The following PLCG2 variants were observed in gnomAD, a reference collection of about 807,000 sequenced individuals.
PLCG2 encodes phospholipase C gamma 2, also known as 1-phosphatidylinositol 4,5-bisphosphate phosphodiesterase gamma-2.
In PLCG2, 69 loss-of-function variants were observed where a neutral mutation model predicts 175.6. The ratio of observed to expected loss-of-function variants is 0.39; its 90% confidence interval spans 0.32 to 0.48. PLCG2 has a LOEUF of 0.48. Among genes scored for constraint, PLCG2 ranks in the 20% least tolerant of loss-of-function variants. The pLI is 0.91. For synonymous variants in PLCG2, 827 were observed against 624.0 expected, an observed-to-expected ratio of 1.33 and a Z score of -4.85; for missense variants, 1,798 against 1,650.9, an observed-to-expected ratio of 1.09 and a Z score of -1.54.
At chr16:81,887,314 T>C (rs1597108689) in intron 9 of PLCG2, among the ~76,000 whole-genome samples, 1 of 151,806 alleles carries the variant, frequency 6.6e-6, no homozygotes, top group African/African-American at 2.4e-5. Context: ...AGAGACGGGG[T>C]TTCACCGTGT....
At chr16:81,851,426 C>G (rs141488164) in intron 2 of PLCG2, among the ~76,000 whole-genome samples, 30 of 152,160 alleles carry the variant, frequency 2.0e-4, no homozygotes, top group Non-Finnish European at 3.2e-4. Context: ...AATCTTGTCA[C>G]GTGTAGGTGG....
rs74029242 is a variant in PLCG2, at chr16:81,840,356, A to G, written c.194-14088A>G. On this transcript the variant is annotated intron_variant, in intron 2 of 32. Transcript: ENST00000564138. ...CGGTTTTGTGGAAGATAACTTTTCCATGGGCCAGATTGGCCTGGGGGGATA... is the reference window on the plus strand; with the variant it reads ...CGGTTTTGTGGAAGATAACTTTTCCGTGGGCCAGATTGGCCTGGGGGGATA... 8.6e-3 allele frequency among the ~76,000 whole-genome samples: 1,306 copies of G among 152,306 alleles called. 22 individuals carry two copies. The highest frequency in any genetic ancestry group is 0.028 in the African/African-American group (1,164 of 41,554).
chr16:81,751,051 G>A (rs1909803339), intron 1 of PLCG2, among the ~76,000 whole-genome samples: 1 of 139,830 alleles, frequency 7.2e-6, no homozygotes, highest in Non-Finnish European at 1.5e-5. Flanking sequence ...TGCAATCTTG[G>A]CTCACTACAA....
chr16:81,862,339 T>C (rs1462862229), intron 5 of PLCG2, among the ~76,000 whole-genome samples: 2 of 152,252 alleles, frequency 1.3e-5, no homozygotes, highest in Admixed American at 6.5e-5. Context: ...AGCGGGCATT[T>C]GTTTACAGCC....
intron 20 of PLCG2, among the ~76,000 whole-genome samples, chr16:81,920,764 C>T (rs1352512058): frequency 2.0e-5 from 3 of 151,874 alleles, no homozygotes; most frequent in Non-Finnish European, 4.4e-5. Context: ...AGGGGGAAGG[C>T]ACTGGTTTGT....
chr16:81,816,009 C>T (rs1904528164), intron 2 of PLCG2, among the ~76,000 whole-genome samples: 1 of 151,528 alleles, frequency 6.6e-6, no homozygotes, highest in Admixed American at 6.6e-5. Context: ...TTGCGGTGAG[C>T]CGAGATTGTG....
intron 31 of PLCG2, among the ~76,000 whole-genome samples, chr16:81,950,813 G>T (rs1459235184): frequency 6.6e-6 from 1 of 152,142 alleles, no homozygotes. Flanking sequence ...AGAGGAAAGT[G>T]CTTGCCTTAA....
chr16:81,948,719 A>C (rs146473018), intron 31 of PLCG2, among the ~76,000 whole-genome samples: 1 of 152,308 alleles, frequency 6.6e-6, no homozygotes, highest in African/African-American at 2.4e-5. Context: ...GGCCCTCCTT[A>C]TGCCTCATCA....
intron 2 of PLCG2, among the ~76,000 whole-genome samples, chr16:81,812,172 C>A (rs1296209811): frequency 6.6e-5 from 10 of 151,178 alleles, no homozygotes; most frequent in Non-Finnish European, 1.5e-4. Flanking sequence ...GTCTCAGCCT[C>A]CTGAGTAGCT....
At chr16:81,909,071 A>T (rs1909504456) in intron 17 of PLCG2, among the ~76,000 whole-genome samples, 1 of 152,182 alleles carries the variant, frequency 6.6e-6, no homozygotes. Flanking sequence ...CCACCCACTT[A>T]TCCATGTCTC....
chr16:81,769,119 G>C (rs1910216935), intron 2 of PLCG2, among the ~76,000 whole-genome samples: 1 of 152,150 alleles, frequency 6.6e-6, no homozygotes, highest in African/African-American at 2.4e-5. Context: ...CAGTGCTTAA[G>C]GTAAGTTTGT....
At chr16:81,952,384 T>A (rs1431269537) in intron 31 of PLCG2, among the ~76,000 whole-genome samples, 1 of 152,184 alleles carries the variant, frequency 6.6e-6, no homozygotes, top group Non-Finnish European at 1.5e-5. Flanking sequence ...AGTCATTGGA[T>A]TCTCAATTCC....
intron 1 of PLCG2, among the ~76,000 whole-genome samples, chr16:81,741,615 G>C (rs1174490133): frequency 6.6e-6 from 1 of 152,140 alleles, no homozygotes; most frequent in Admixed American, 6.6e-5. Context: ...TTCAAGACCA[G>C]CCTGGCCAAC....
chr16:81,935,323 C>A (rs968572884), intron 26 of PLCG2, among the ~76,000 whole-genome samples: 1 of 152,078 alleles, frequency 6.6e-6, no homozygotes, highest in South Asian at 2.1e-4. Context: ...GAATAAGCCT[C>A]CCATTTCAAG....
chr16:81,897,395 A>G (rs1908940738), intron 13 of PLCG2, among the ~76,000 whole-genome samples: 1 of 152,242 alleles, frequency 6.6e-6, no homozygotes, highest in African/African-American at 2.4e-5. Context: ...ATGTTAAAAA[A>G]TAGAGGTGAT....
intron 2 of PLCG2, among the ~76,000 whole-genome samples, chr16:81,793,155 G>C (rs1911314617): frequency 6.6e-6 from 1 of 152,212 alleles, no homozygotes; most frequent in African/African-American, 2.4e-5. Context: ...TGGCCTCCAG[G>C]TTCCCTATTG....
intron 3 of PLCG2, among the ~76,000 whole-genome samples, chr16:81,856,177 C>A (rs909686321): frequency 1.3e-5 from 2 of 152,196 alleles, no homozygotes; most frequent in Non-Finnish European, 2.9e-5. Context: ...CCCTTCAGAG[C>A]CTCAGTTTCC....
At chr16:81,819,400 C>T (rs1478246019) in intron 2 of PLCG2, among the ~76,000 whole-genome samples, 10 of 152,088 alleles carry the variant, frequency 6.6e-5, no homozygotes, top group Admixed American at 2.0e-4. Context: ...CCTGCGAATC[C>T]CCTTGTGCAG....
chr16:81,912,628 G>A lies in PLCG2; in HGVS notation c.1966G>A (p.Ala656Thr). 6.2e-7 allele frequency: 1 copy of A among 1,613,380 alleles called. No individual in the cohort carries two copies. Among genetic ancestry groups the A allele is most frequent in the Non-Finnish European group, 8.5e-7 (1 of 1,179,866 alleles). The change falls in exon 19 of 33, where the codon GCA (alanine) becomes ACA (threonine). Residue 656 changes from alanine to threonine, a missense_variant. By Grantham distance (58) the Ala-to-Thr change is moderately conservative. Coordinates refer to ENST00000564138, the MANE Select transcript of PLCG2 (RefSeq NM_002661.5). Reference protein sequence around the residue: ...WYYDSLSRGEAEDMLMRIPRD... With the variant: ...WYYDSLSRGETEDMLMRIPRD... ...CTATGACAGCCTGAGCCGCGGAGAG[G>A]CAGAGGACATGCTGATGAGGATTCC...
Sources: allele counts gnomAD v4.1 joint callset (sites outside exome capture counted in the v4.1 genomes callset), GRCh38; gene constraint gnomAD v4.1.1; transcripts MANE v1.5; gene names NCBI Gene and HGNC (gene_info 2026-07-23, HGNC 2026-07-21).